CYRIA: variants seen among roughly 807,000 people sequenced by gnomAD.
CYRIA encodes the protein CYFIP-related Rac1 interactor A.
Under a neutral mutation model 43.9 loss-of-function variants are expected in CYRIA, and 15 were observed. That is an observed-to-expected ratio of 0.34 (90% CI 0.23 to 0.53). The LOEUF is 0.53. Among genes scored for constraint, CYRIA ranks in the 20% least tolerant of loss-of-function variants. The pLI, the probability that CYRIA is intolerant of heterozygous loss-of-function variation, is 0.94. For synonymous variants in CYRIA, 117 were observed against 136.0 expected (o/e 0.86, Z 0.97); for missense variants, 236 against 394.2 (o/e 0.60, Z 3.40).
Position 16,561,263 on chromosome 2 carries a change from A to G in CYRIA, c.528T>C (p.Asn176=). 6.2e-7 allele frequency: 1 copy of G among 1,610,764 alleles called. No individual in the cohort carries two copies. Among genetic ancestry groups the G allele is most frequent in the South Asian group, 1.1e-5 (1 of 91,010 alleles). The stretch of plus-strand genomic sequence containing the variant: ...GATTGGCCATCTCATTATTGACTTC[A>G]TTCTCAATGTCTAGCTGATGAAAAT... ...RINNMHLDIE[N]EVNNEMANRM... is the part of the protein sequence containing the mutation. The change falls in exon 8 of 12, where the codon AAT becomes AAC. Residue 176 remains asparagine, a synonymous_variant. Transcript: ENST00000381323.
chr2:16,625,964 G>A (rs1368759483), intron 1 of CYRIA, among the ~76,000 whole-genome samples: 1 of 151,986 alleles, frequency 6.6e-6, no homozygotes, highest in African/African-American at 2.4e-5. Flanking sequence ...GGGTCAGTCA[G>A]GCGGAACACC....
intron 5 of CYRIA, 82 bp downstream of exon 5, chr2:16,563,907 T>C: frequency 3.2e-6 from 3 of 943,652 alleles, no homozygotes; most frequent in South Asian, 1.6e-5. Flanking sequence ...TTTTCCAATA[T>C]GCCACGCTGT....
intron 1 of CYRIA, among the ~76,000 whole-genome samples, chr2:16,663,088 C>A (rs1270977389): frequency 1.3e-5 from 2 of 152,206 alleles, no homozygotes; most frequent in African/African-American, 4.8e-5. Context: ...TTAATTATGC[C>A]TAAATTAGTT....
intron 1 of CYRIA, among the ~76,000 whole-genome samples, chr2:16,644,969 T>A (rs969549472): frequency 6.6e-6 from 1 of 152,150 alleles, no homozygotes; most frequent in East Asian, 1.9e-4. Context: ...ACCATTAAAA[T>A]GAAAAAGTAT....
intron 2 of CYRIA, among the ~76,000 whole-genome samples, chr2:16,610,133 G>T (rs1668541284): frequency 6.6e-6 from 1 of 152,204 alleles, no homozygotes; most frequent in South Asian, 2.1e-4. Context: ...TTCTGTGCTA[G>T]GCATTGTGCT....
intron 1 of CYRIA, among the ~76,000 whole-genome samples, chr2:16,632,831 C>T (rs1669369060): frequency 6.6e-6 from 1 of 152,122 alleles, no homozygotes; most frequent in South Asian, 2.1e-4. Flanking sequence ...CACAGCTGCT[C>T]TTGTTCCTAG....
At chr2:16,624,138 G>A (rs1316148025) in intron 1 of CYRIA, 119 bp from the exon 2 acceptor site, 2 of 152,228 alleles carry the variant, frequency 1.3e-5, no homozygotes, top group African/African-American at 4.8e-5. Flanking sequence ...AGGCCTGAAG[G>A]ACATCTAAGA....
intron 3 of CYRIA, 97 bp from the exon 4 acceptor site, chr2:16,565,864 A>T: frequency 1.7e-6 from 2 of 1,188,170 alleles, no homozygotes; most frequent in East Asian, 5.3e-5. Flanking sequence ...CAATCCTATC[A>T]TATTCCTGCT....
At chr2:16,628,103 A>G (rs1379276645) in intron 1 of CYRIA, among the ~76,000 whole-genome samples, 2 of 152,202 alleles carry the variant, frequency 1.3e-5, no homozygotes, top group African/African-American at 4.8e-5. Context: ...GACAGGGGTC[A>G]TCTCTCACCA....
chr2:16,620,844 C>G (rs1668968360), intron 2 of CYRIA, among the ~76,000 whole-genome samples: 1 of 152,160 alleles, frequency 6.6e-6, no homozygotes, highest in Non-Finnish European at 1.5e-5. Flanking sequence ...ATCTCCCGGC[C>G]TGGAAATTCC....
Position 16,645,539 on chromosome 2 carries a change from T to C in CYRIA, c.-167+20241A>G, listed in dbSNP as rs115727728. 8.7e-3 allele frequency among the ~76,000 whole-genome samples: 1,330 copies of C among 152,326 alleles called. 9 individuals are homozygous for C. Among genetic ancestry groups the C allele is most frequent in the Non-Finnish European group, 0.014 (959 of 68,026 alleles). On this transcript the variant is annotated intron_variant, in intron 1 of 11. Transcript: ENST00000381323. ...TGAATGCCTGTGAAGTAAACACCAC[T>C]GTATTACACGAGCCACATGTATTCT...
intron 1 of CYRIA, among the ~76,000 whole-genome samples, chr2:16,652,907 G>A (rs1391848419): frequency 6.6e-6 from 1 of 152,056 alleles, no homozygotes; most frequent in African/African-American, 2.4e-5. Context: ...TTGTCCAGCT[G>A]GTTAATGGGG....
intron 5 of CYRIA, among the ~76,000 whole-genome samples, chr2:16,563,507 G>A (rs576619559): frequency 1.3e-5 from 2 of 152,144 alleles, no homozygotes; most frequent in Admixed American, 6.5e-5. Flanking sequence ...TTTCCAACCA[G>A]ATTTGGCATT....
chr2:16,576,313 G>A (rs1044088288), intron 3 of CYRIA, among the ~76,000 whole-genome samples: 1 of 152,144 alleles, frequency 6.6e-6, no homozygotes, highest in Non-Finnish European at 1.5e-5. Flanking sequence ...ATCCTAAAGT[G>A]AAAGTTACGA....
chr2:16,569,007 C>G (rs1035394091), intron 3 of CYRIA, among the ~76,000 whole-genome samples: 2 of 152,128 alleles, frequency 1.3e-5, no homozygotes, highest in African/African-American at 4.8e-5. Flanking sequence ...ATAGAGGCCT[C>G]TCTTAACTGT....
chr2:16,564,389 A>G (rs934505485), intron 4 of CYRIA, among the ~76,000 whole-genome samples: 2 of 152,162 alleles, frequency 1.3e-5, no homozygotes, highest in Admixed American at 1.3e-4. Context: ...CCTCTCCATC[A>G]CCATTAGACT....
intron 2 of CYRIA, among the ~76,000 whole-genome samples, chr2:16,598,927 T>C (rs1668100230): frequency 8.8e-6 from 1 of 114,106 alleles, no homozygotes; most frequent in Non-Finnish European, 1.7e-5. Context: ...ATGTCCTTTC[T>C]GGTTGTTAGT....
In CYRIA at chr2:16,552,498, A is replaced by C. The variant is rs147901216; in HGVS notation, c.*438T>G. The C allele has an allele frequency of 6.1e-3, 939 of 154,436 alleles. 8 individuals are homozygous for C. The highest frequency in any genetic ancestry group is 0.017 in the Middle Eastern group (5 of 300). 9.6% of individuals were successfully genotyped at this position (154,436 alleles called of 1,614,324 possible). ...AATTCTCCACATGCATTTTTCTTGG[A>C]TTCCTCTCTTCCTCTGTCAAGATAA... On this transcript the variant is annotated 3_prime_UTR_variant, in exon 12 of 12. Transcript: ENST00000381323.
intron 2 of CYRIA, among the ~76,000 whole-genome samples, chr2:16,613,477 A>C (rs1350000731): frequency 6.6e-6 from 1 of 150,700 alleles, no homozygotes; most frequent in Non-Finnish European, 1.5e-5. Context: ...TCAGCCCTGC[A>C]CTCGATGCTA....
Sources: gnomAD v4.1 joint callset for allele counts (sites outside exome capture counted in the v4.1 genomes callset) on GRCh38, gnomAD v4.1.1 for gene constraint, MANE v1.5 for transcripts, NCBI Gene and HGNC (gene_info 2026-07-23, HGNC 2026-07-21) for gene names.